The following XIRP2 variants were observed in gnomAD, a reference collection of about 807,000 sequenced individuals.
XIRP2 encodes xin actin binding repeat containing 2.
XIRP2 carries 236 observed loss-of-function variants against 277.0 expected under a neutral mutation model. The ratio of observed to expected loss-of-function variants is 0.85; its 90% CI spans 0.77 to 0.95. The LOEUF (loss-of-function observed/expected upper bound fraction) is 0.95. Among genes scored for constraint, XIRP2 ranks in the 40% least tolerant of loss-of-function variants. The probability of loss-of-function intolerance (pLI) is 0.00; values close to 1 mark genes in which losing one functional copy is unlikely to be tolerated. For missense variants in XIRP2, 4,640 were observed against 4,157.5 expected (o/e 1.12, Z -3.19); for synonymous variants, 1,490 against 1,416.5 (o/e 1.05, Z -1.17).
In XIRP2 at chr2:166,954,649, CA is replaced by C. The variant is rs1695858112; in HGVS notation, c.408+50762del. 2.6e-5 allele frequency among the ~76,000 whole-genome samples: 4 copies of C among 151,850 alleles called. No individual in the cohort carries two copies. In the South Asian group the frequency reaches 8.3e-4, roughly 31 times the overall value. Reference sequence around the variant, plus strand: ...TTCACTGCAGCATTATTCACAATAGCAAAGACATGGAATTAACCCAAATGCC... The same window carrying C: ...TTCACTGCAGCATTATTCACAATAGCAAGACATGGAATTAACCCAAATGCC... On this transcript the variant is annotated intron_variant, in intron 2 of 10. Transcript: ENST00000409195.
intron 2 of XIRP2, among the ~76,000 whole-genome samples, chr2:167,031,815 A>G (rs1688358649): frequency 1.3e-5 from 2 of 152,176 alleles, no homozygotes; most frequent in African/African-American, 4.8e-5. Flanking sequence ...GACACAAACA[A>G]ATGGAAAAAA....
chr2:166,910,113 G>T (rs1684658034), intron 2 of XIRP2, among the ~76,000 whole-genome samples: 1 of 152,154 alleles, frequency 6.6e-6, no homozygotes, highest in Non-Finnish European at 1.5e-5. Context: ...GTATCGCGAT[G>T]ATGCTGGCCT....
At chr2:167,219,244 A>T (rs1490735025) in intron 5 of XIRP2, among the ~76,000 whole-genome samples, 3 of 152,152 alleles carry the variant, frequency 2.0e-5, no homozygotes, top group African/African-American at 4.8e-5. Context: ...GTAGCTCAAT[A>T]AATTTATGGC....
chr2:166,935,122 T>C (rs925287806), intron 2 of XIRP2, among the ~76,000 whole-genome samples: 17 of 152,156 alleles, frequency 1.1e-4, no homozygotes, highest in South Asian at 2.1e-4. Context: ...ATTGGGTACA[T>C]TGATGATCCT....
intron 3 of XIRP2, among the ~76,000 whole-genome samples, chr2:167,170,894 CTTTTTTTT>C (rs773187641): frequency 4.5e-4 from 42 of 92,702 alleles, no homozygotes; most frequent in Non-Finnish European, 7.5e-4. Context: ...TGCCTTTCTT[CTTTTTTTT>C]TTTTTTTTTT....
intron 2 of XIRP2, among the ~76,000 whole-genome samples, chr2:167,085,308 G>C (rs1285413281): frequency 2.6e-5 from 4 of 151,742 alleles, no homozygotes; most frequent in East Asian, 1.9e-4. Flanking sequence ...GTCTGAGAGA[G>C]AGTTTGTTAT....
At chr2:167,004,781 C>T (rs778022905) in intron 2 of XIRP2, among the ~76,000 whole-genome samples, 1 of 151,714 alleles carries the variant, frequency 6.6e-6, no homozygotes, top group Non-Finnish European at 1.5e-5. Context: ...AATCAGTAAT[C>T]GAAGACCAAA....
chr2:167,018,078 A>G (rs1703883877), intron 2 of XIRP2, among the ~76,000 whole-genome samples: 1 of 152,056 alleles, frequency 6.6e-6, no homozygotes, highest in African/African-American at 2.4e-5. Context: ...TTTACTGCTT[A>G]ATAACATTCC....
chr2:167,105,188 A>G (rs1030994654), intron 2 of XIRP2, among the ~76,000 whole-genome samples: 1 of 152,000 alleles, frequency 6.6e-6, no homozygotes, highest in African/African-American at 2.4e-5. Context: ...CCTCAATGGT[A>G]ACATCTTGAA....
intron 3 of XIRP2, among the ~76,000 whole-genome samples, chr2:167,139,454 C>T (rs1422179179): frequency 6.6e-6 from 1 of 152,072 alleles, no homozygotes; most frequent in East Asian, 1.9e-4. Context: ...TTTTTCCAGG[C>T]TTTTGCAATA....
intron 3 of XIRP2, among the ~76,000 whole-genome samples, chr2:167,172,476 C>T (rs930245451): frequency 2.6e-5 from 4 of 152,138 alleles, no homozygotes; most frequent in African/African-American, 7.2e-5. Context: ...CCTAATAAGC[C>T]TGGGAGCACT....
At chr2:167,049,857 G>T (rs1688873894) in intron 2 of XIRP2, among the ~76,000 whole-genome samples, 2 of 151,996 alleles carry the variant, frequency 1.3e-5, no homozygotes, top group African/African-American at 4.8e-5. Flanking sequence ...ATGGTAGAAA[G>T]TTCCCTTCTG....
At chr2:167,079,659 T>C (rs958286986) in intron 2 of XIRP2, among the ~76,000 whole-genome samples, 2 of 152,032 alleles carry the variant, frequency 1.3e-5, no homozygotes, top group African/African-American at 4.8e-5. Context: ...GGATCTTTTT[T>C]ATTTCTAGTG....
Position 167,246,607 on chromosome 2 carries a change from G to C in XIRP2, c.5215G>C (p.Glu1739Gln). 6.2e-7 allele frequency: 1 copy of C among 1,613,728 alleles called. No individual in the cohort carries two copies. Among genetic ancestry groups the C allele is most frequent in the Non-Finnish European group, 8.5e-7 (1 of 1,179,796 alleles). The change falls in exon 9 of 11, where the codon GAG becomes CAG. Residue 1739 changes from glutamate (E) to glutamine (Q), a missense_variant. By Grantham distance (29) the Glu-to-Gln change is conservative. Transcript: ENST00000409195. Reference protein sequence around the residue: ...ISERAKIDASERGNVQFFTTC... With the variant: ...ISERAKIDASQRGNVQFFTTC... ...TGAAAGGGCTAAAATTGATGCCTCT[G>C]AGAGAGGAAATGTTCAGTTTTTCAC...
chr2:167,194,689 C>T (rs2105370251), intron 3 of XIRP2, among the ~76,000 whole-genome samples: 1 of 152,154 alleles, frequency 6.6e-6, no homozygotes, highest in East Asian at 1.9e-4. Context: ...ACTTTGGAAC[C>T]AGACTGCCTA....
At chr2:166,899,630 G>T (rs1489321520) in intron 1 of XIRP2, among the ~76,000 whole-genome samples, 1 of 152,044 alleles carries the variant, frequency 6.6e-6, no homozygotes. Context: ...AGATCATTTT[G>T]TTAGACAAAG....
intron 2 of XIRP2, among the ~76,000 whole-genome samples, chr2:166,988,314 A>C (rs555287793): frequency 6.6e-6 from 1 of 152,364 alleles, no homozygotes; most frequent in East Asian, 1.9e-4. Context: ...ATTCTTTAGA[A>C]GTATCAAGGC....
At chr2:167,013,453 G>T (rs1329052819) in intron 2 of XIRP2, among the ~76,000 whole-genome samples, 4 of 151,322 alleles carry the variant, frequency 2.6e-5, no homozygotes, top group African/African-American at 9.7e-5. Flanking sequence ...ATTAGTTCTG[G>T]GAGAAGCTGA....
intron 2 of XIRP2, among the ~76,000 whole-genome samples, chr2:167,071,540 T>C (rs1051931307): frequency 6.6e-6 from 1 of 152,134 alleles, no homozygotes; most frequent in Non-Finnish European, 1.5e-5. Flanking sequence ...AGAAGGTTGG[T>C]CTCATGTGAA....
Sources: gnomAD v4.1 joint callset for allele counts (sites outside exome capture counted in the v4.1 genomes callset) on GRCh38, gnomAD v4.1.1 for gene constraint, MANE v1.5 for transcripts, NCBI Gene and HGNC (gene_info 2026-07-23, HGNC 2026-07-21) for gene names.